Variants in ACACB observed in about 807,000 individuals in gnomAD.
ACACB encodes acetyl-CoA carboxylase 2.
ACACB carries 209 observed loss-of-function variants against 278.8 expected under a neutral mutation model. The ratio of observed to expected loss-of-function variants is 0.75; its 90% CI spans 0.67 to 0.84. The LOEUF (loss-of-function observed/expected upper bound fraction) is 0.84, where lower values mean the gene tolerates loss of function less well. ACACB is among the 40% of genes least tolerant of loss of function. The pLI, the probability that ACACB is intolerant of heterozygous loss-of-function variation, is 0.00. For synonymous variants in ACACB, 1,174 were observed against 1,285.6 expected (o/e 0.91, Z 1.86); for missense variants, 2,850 against 3,269.0 (o/e 0.87, Z 3.13).
chr12:109,214,195 G>A (rs751473121), intron 22 of ACACB, among the ~76,000 whole-genome samples: 20 of 152,108 alleles, frequency 1.3e-4, no homozygotes, highest in Non-Finnish European at 1.6e-4. Context: ...CCAGGAGTTC[G>A]AGGTTATAGT....
intron 2 of ACACB, among the ~76,000 whole-genome samples, chr12:109,166,162 A>C (rs1305964180): frequency 6.6e-6 from 1 of 152,158 alleles, no homozygotes; most frequent in Non-Finnish European, 1.5e-5. Context: ...AGAAAAGTAC[A>C]TGAAAGATAT....
Position 109,234,638 on chromosome 12 carries a change from A to G in ACACB, c.4347+593A>G, listed in dbSNP as rs1593658467. 2.6e-5 allele frequency among the ~76,000 whole-genome samples: 4 copies of G among 152,348 alleles called. No individual in the cohort carries two copies. The South Asian group carries it at 8.3e-4, about 32-fold the overall frequency. The stretch of plus-strand genomic sequence containing the variant: ...TGCAGCCATAAAAAAGAATGAGATC[A>G]TGTCCTTTGCGGGGACATGGATGAA... On this transcript the variant is annotated intron_variant, in intron 31 of 52. Transcript: ENST00000338432.
At chr12:109,218,660 T>A (rs1399347679) in intron 24 of ACACB, among the ~76,000 whole-genome samples, 1 of 150,840 alleles carries the variant, frequency 6.6e-6, no homozygotes, top group Non-Finnish European at 1.5e-5. Context: ...CAATTTTTTT[T>A]TTTTTTTTTT....
chr12:109,159,352 A>G (rs34268), intron 2 of ACACB, among the ~76,000 whole-genome samples: 136,200 of 152,268 alleles, frequency 0.89, 61,174 homozygotes, highest in Middle Eastern at 0.94. Flanking sequence ...GAGAGGGAAG[A>G]AATTGAAGGT....
chr12:109,265,730 G>A (rs2047502755), intron 52 of ACACB, among the ~76,000 whole-genome samples: 1 of 152,218 alleles, frequency 6.6e-6, no homozygotes, highest in Non-Finnish European at 1.5e-5. Flanking sequence ...GTGGGACAGA[G>A]AGCCTAGAGG....
chr12:109,195,827 G>A (rs1029363112), intron 16 of ACACB, among the ~76,000 whole-genome samples: 10 of 152,190 alleles, frequency 6.6e-5, no homozygotes, highest in African/African-American at 2.4e-4. Context: ...CCAAGATGCT[G>A]CCCTTATGTG....
chr12:109,198,983 C>T (rs2045236544), intron 17 of ACACB, among the ~76,000 whole-genome samples: 2 of 151,654 alleles, frequency 1.3e-5, no homozygotes, highest in South Asian at 2.1e-4. Context: ...GTCAGGAGAT[C>T]GAGACCATCC....
chr12:109,238,879 T>A (rs367714342), intron 34 of ACACB, among the ~76,000 whole-genome samples: 10 of 148,832 alleles, frequency 6.7e-5, no homozygotes, highest in African/African-American at 1.7e-4. Flanking sequence ...TGATGGATAT[T>A]AAGCTAACTG....
chr12:109,122,117 C>T (rs2042562006), intron 1 of ACACB, among the ~76,000 whole-genome samples: 2 of 152,092 alleles, frequency 1.3e-5, no homozygotes, highest in South Asian at 2.1e-4. Context: ...TGGCAGAGGC[C>T]GGTTTGCCAG....
rs541508520 is a variant in ACACB, at chr12:109,233,663, G to T, written c.4140-85G>T. On this transcript the variant is annotated intron_variant, in intron 29 of 52. Transcript: ENST00000338432. ...GGCTGGGAAATTGGGAGGGTCTGGC[G>T]TTCCCTGCTGCCTGGCTTGGAAGCT... 6.7e-5 allele frequency: 78 copies of T among 1,161,628 alleles called. 1 individual carries two copies. In the East Asian group the frequency reaches 1.7e-3, roughly 25 times the overall value. 72.0% of individuals were successfully genotyped at this position (1,161,628 alleles called of 1,614,324 possible). A position where few individuals can be genotyped will look rare whatever the true frequency, so the allele number is the denominator to read the frequency against.
intron 22 of ACACB, among the ~76,000 whole-genome samples, chr12:109,214,762 T>A: frequency 6.6e-6 from 1 of 152,344 alleles, no homozygotes; most frequent in East Asian, 1.9e-4. Context: ...ACTTGACTCC[T>A]GTGTTCAGAT....
At chr12:109,198,494 T>C (rs1008856823) in intron 17 of ACACB, among the ~76,000 whole-genome samples, 5 of 152,080 alleles carry the variant, frequency 3.3e-5, no homozygotes, top group Admixed American at 6.6e-5. Context: ...GTCCAGAAGT[T>C]TGAGACCAGT....
intron 21 of ACACB, among the ~76,000 whole-genome samples, chr12:109,211,538 C>T (rs892255760): frequency 2.0e-5 from 3 of 152,030 alleles, no homozygotes; most frequent in African/African-American, 7.2e-5. Context: ...CAGGCATGAG[C>T]CATGGTGCCC....
In ACACB at chr12:109,232,876, C is replaced by G. The variant is rs148081803; in HGVS notation, c.4139+70C>G. On this transcript the variant is annotated intron_variant, in intron 29 of 52. Transcript: ENST00000338432. The stretch of plus-strand genomic sequence containing the variant: ...GGGCAGACTTCCCTTGAATCCCCCC[C>G]CAATTCACTGGACAGATGGGGTGGG... 1.3e-3 allele frequency: 2,083 copies of G among 1,580,358 alleles called. 4 individuals carry two copies. The highest frequency in any genetic ancestry group is 6.2e-3 in the East Asian group (277 of 44,592).
chr12:109,159,314 G>A (rs1047987758), intron 2 of ACACB, among the ~76,000 whole-genome samples: 2 of 152,166 alleles, frequency 1.3e-5, no homozygotes, highest in Admixed American at 6.5e-5. Flanking sequence ...GCGGGTAGCC[G>A]TTACCATCTC....
intron 2 of ACACB, among the ~76,000 whole-genome samples, chr12:109,140,268 TTCTTTCCTTCCTTCCTTCCTTC>T (rs2043080348): frequency 1.2e-4 from 7 of 58,956 alleles, no homozygotes; most frequent in Non-Finnish European, 4.8e-5. Context: ...CCTTCCTTCC[TTCTTTCCTTCCTTCCTTCCTTC>T]CTTCCTTCCT....
intron 37 of ACACB, among the ~76,000 whole-genome samples, chr12:109,242,823 G>A (rs937506783): frequency 8.5e-5 from 13 of 152,102 alleles, no homozygotes; most frequent in African/African-American, 2.4e-4. Context: ...AAAATTAACC[G>A]GGCGTGGTGG....
chr12:109,197,777 T>A (rs2045193541), intron 17 of ACACB, among the ~76,000 whole-genome samples: 1 of 151,578 alleles, frequency 6.6e-6, no homozygotes, highest in South Asian at 2.1e-4. Context: ...CCAGCCAAGG[T>A]GATGAAAGGG....
intron 1 of ACACB, among the ~76,000 whole-genome samples, chr12:109,137,629 C>T (rs1383906233): frequency 6.6e-6 from 1 of 151,628 alleles, no homozygotes. Flanking sequence ...CACTATGCTC[C>T]CACCTGGGCG....
Sources: allele counts gnomAD v4.1 joint callset (sites outside exome capture counted in the v4.1 genomes callset), GRCh38; gene constraint gnomAD v4.1.1; transcripts MANE v1.5; gene names NCBI Gene and HGNC (gene_info 2026-07-23, HGNC 2026-07-21).